The following ZZEF1 variants were observed in gnomAD, a reference collection of about 807,000 sequenced individuals.
The protein encoded by ZZEF1 is zinc finger ZZ-type and EF-hand domain-containing protein 1.
A neutral mutation model predicts 342.8 loss-of-function variants in ZZEF1; 157 were observed. That is an observed-to-expected ratio of 0.46 (90% CI 0.40 to 0.52). The LOEUF (loss-of-function observed/expected upper bound fraction) is 0.52. ZZEF1 is among the 20% of genes least tolerant of loss of function. The probability of loss-of-function intolerance (pLI) is 0.00; values close to 1 mark genes in which losing one functional copy is unlikely to be tolerated. For missense variants in ZZEF1, 3,480 were observed against 3,725.6 expected (o/e 0.93, Z 1.72); for synonymous variants, 1,505 against 1,429.1 (o/e 1.05, Z -1.20).
At chr17:4,036,290 G>GT (rs1200017417) in intron 39 of ZZEF1, among the ~76,000 whole-genome samples, 2 of 152,138 alleles carry the variant, frequency 1.3e-5, no homozygotes, top group East Asian at 1.9e-4. Context: ...TGTGTGTGGG[G>GT]TAAGTGGCAC....
At chr17:4,025,443 T>C (rs1047096104) in intron 42 of ZZEF1, among the ~76,000 whole-genome samples, 9 of 152,144 alleles carry the variant, frequency 5.9e-5, no homozygotes, top group African/African-American at 1.7e-4. Context: ...TCCCAGCACT[T>C]TGGGAGGCCA....
chr17:4,100,670 C>G (rs949795317), intron 9 of ZZEF1, among the ~76,000 whole-genome samples: 21 of 152,138 alleles, frequency 1.4e-4, no homozygotes, highest in African/African-American at 5.1e-4. Flanking sequence ...CCCGTCTCTA[C>G]TAAAAATACA....
At chr17:4,040,623 T>C (rs2056782517) in intron 39 of ZZEF1, among the ~76,000 whole-genome samples, 1 of 152,208 alleles carries the variant, frequency 6.6e-6, no homozygotes, top group Admixed American at 6.5e-5. Flanking sequence ...TAACCATGTT[T>C]CTATAAGAAA....
chr17:4,067,033 T>G (rs1410061707), intron 27 of ZZEF1, 130 bp downstream of exon 27: 1 of 706,696 alleles, frequency 1.4e-6, no homozygotes, highest in East Asian at 2.9e-5. Context: ...TATCTATTCA[T>G]GTCACTAAAC....
chr17:4,081,115 G>T (rs899477716), intron 18 of ZZEF1, among the ~76,000 whole-genome samples: 15 of 152,060 alleles, frequency 9.9e-5, no homozygotes, highest in African/African-American at 3.6e-4. Flanking sequence ...GCGTGTGCCT[G>T]TGTCCCAGCT....
intron 26 of ZZEF1, among the ~76,000 whole-genome samples, chr17:4,068,080 A>G (rs2057436640): frequency 6.6e-6 from 1 of 152,300 alleles, no homozygotes; most frequent in Admixed American, 6.5e-5. Context: ...CCTGTCTCTA[A>G]AAACAAACAA....
At chr17:4,007,029 G>A in intron 54 of ZZEF1, 59 bp from the exon 55 acceptor site, 1 of 1,458,886 alleles carries the variant, frequency 6.9e-7, no homozygotes, top group African/African-American at 1.4e-5. Context: ...TTCAGTGAGT[G>A]CTGATAAGAC....
At position 4,096,672 on chromosome 17, in the gene ZZEF1, T is replaced by C. The variant is rs2058039214; in HGVS notation, c.1701A>G (p.Arg567=). ...DGFLTETGKT[R]ASTIFSTGTE... Reference sequence around the variant, plus strand: ...TTCCGGTAGAAAAAATAGTGCTGGCTCTGGTTTTTCCAGTTTCCGTAAGAA... The same window carrying C: ...TTCCGGTAGAAAAAATAGTGCTGGCCCTGGTTTTTCCAGTTTCCGTAAGAA... Residue 567 remains arginine (R), a synonymous_variant, in exon 10 of 55, where the codon AGA becomes AGG. Transcript: ENST00000381638. The C allele has an allele frequency of 6.2e-7, 1 of 1,614,076 alleles. No homozygotes were observed. The highest frequency in any genetic ancestry group is 8.5e-7 in the Non-Finnish European group (1 of 1,180,004).
In ZZEF1 at chr17:4,009,624, C is replaced by T. The variant is rs200056540; in HGVS notation, c.8713G>A (p.Val2905Ile). 104 of 1,613,490 alleles carry T rather than the reference C, an allele frequency of 6.4e-5. No homozygotes were observed. The highest frequency in any genetic ancestry group is 7.7e-5 in the South Asian group (7 of 91,054). The change falls in exon 53 of 55, where the codon GTC becomes ATC. Residue 2905 changes from valine (V) to isoleucine (I), a missense_variant. Physicochemically the swap from Val to Ile is conservative, Grantham distance 29. This residue lies in a region of ZZEF1 where 1,269 missense variants were observed against 1,342.4 expected (regional missense o/e 0.95). Transcript: ENST00000381638. ...CTCACCTGGGCACGGTTCTCGGTGA[C>T]GAAGAAGAGCTCAGTGAGGGCACGA... is the stretch of plus-strand genomic sequence containing the variant. ...LHRALTELFFVTENRAQELGV... is the reference protein window; with the variant it reads ...LHRALTELFFITENRAQELGV...
At chr17:4,098,326 C>A (rs1006226550) in intron 9 of ZZEF1, among the ~76,000 whole-genome samples, 1 of 151,580 alleles carries the variant, frequency 6.6e-6, no homozygotes, top group East Asian at 1.9e-4. Flanking sequence ...GTGGGAGGAT[C>A]GCTTGAGCCT....
intron 46 of ZZEF1, 32 bp downstream of exon 46, chr17:4,019,637 C>T: frequency 6.3e-7 from 1 of 1,590,046 alleles, no homozygotes; most frequent in Non-Finnish European, 8.6e-7. Context: ...CTCTCCCTGG[C>T]CACACTTCAG....
At chr17:4,136,421 C>T (rs1265360818) in intron 1 of ZZEF1, among the ~76,000 whole-genome samples, 2 of 151,822 alleles carry the variant, frequency 1.3e-5, no homozygotes, top group Non-Finnish European at 2.9e-5. Flanking sequence ...GTAACACTGC[C>T]AATTACAACA....
intron 29 of ZZEF1, among the ~76,000 whole-genome samples, chr17:4,063,313 G>C (rs2057322384): frequency 6.6e-6 from 1 of 152,122 alleles, no homozygotes; most frequent in East Asian, 1.9e-4. Context: ...ATCCTGGCTG[G>C]GTGTGGTGGC....
intron 39 of ZZEF1, among the ~76,000 whole-genome samples, chr17:4,037,783 A>G (rs899566144): frequency 1.3e-5 from 2 of 152,050 alleles, no homozygotes; most frequent in Non-Finnish European, 2.9e-5. Context: ...GAGTCTTGCT[A>G]TGTTTCCCAG....
At chr17:4,062,972 C>A (rs750069663) in intron 29 of ZZEF1, 55 bp from the exon 30 acceptor site, 4 of 1,542,180 alleles carry the variant, frequency 2.6e-6, no homozygotes, top group Non-Finnish European at 3.5e-6. Flanking sequence ...CTGGGGCAGA[C>A]GGAAAATATC....
At position 4,017,180 on chromosome 17, in the gene ZZEF1, G is replaced by C; in HGVS notation, c.8001+191C>G. Reference sequence around the variant, plus strand: ...CTGGTTCAGCTGGAAATCGCGCTCAGGGCCCCTGAGTTCCTCACTAGCCCA... The same window carrying C: ...CTGGTTCAGCTGGAAATCGCGCTCACGGCCCCTGAGTTCCTCACTAGCCCA... On this transcript the variant is annotated intron_variant, in intron 48 of 54. Coordinates refer to ENST00000381638, the MANE Select transcript of ZZEF1 (RefSeq NM_015113.4). This position sits in a 1 kb window ranked among gnomAD's most constrained non-coding sequence, Gnocchi z 5.1. 1 of 735,472 alleles carries C rather than the reference G, an allele frequency of 1.4e-6. No individual in the cohort carries two copies. The highest frequency in any genetic ancestry group is 2.9e-5 in the East Asian group (1 of 34,936). The allele number at this position is 735,472 out of a possible 1,614,324, so 45.6% of individuals were successfully genotyped here. A position where few individuals can be genotyped will look rare whatever the true frequency, so the allele number is the denominator to read the frequency against.
At chr17:4,035,405 A>G (rs199668777) in intron 39 of ZZEF1, among the ~76,000 whole-genome samples, 1 of 152,202 alleles carries the variant, frequency 6.6e-6, no homozygotes, top group Non-Finnish European at 1.5e-5. Context: ...GGGGTGTCAC[A>G]GTCCAAGAAC....
At position 4,017,897 on chromosome 17, in the gene ZZEF1, A is replaced by G. The variant is rs1383172429; in HGVS notation, c.7580T>C (p.Leu2527Pro). The change falls in exon 47 of 55, where the codon CTG becomes CCG. Residue 2527 changes from leucine to proline, a missense_variant. Physicochemically the swap from Leu to Pro is moderately conservative, Grantham distance 98. Around this residue, in one of 5 missense-constraint regions of ZZEF1, gnomAD observed 1,269 missense variants for 1,342.4 expected, o/e 0.95. Coordinates refer to ENST00000381638, the MANE Select transcript of ZZEF1 (RefSeq NM_015113.4). This position sits in a 1 kb window ranked among gnomAD's most constrained non-coding sequence, Gnocchi z 5.1. ...TTTGGCGCTCTGTTCTTCCAGCCTC[A>G]GACTCTTACTGGGCTGCCACCGCTG... The part of the protein sequence containing the change: ...LAQRWQPSKS[L>P]RLEEQSAKAV... 8.1e-6 allele frequency: 13 copies of G among 1,614,112 alleles called. No individual in the cohort carries two copies. Among genetic ancestry groups the G allele is most frequent in the South Asian group, 1.1e-5 (1 of 91,076 alleles).
intron 12 of ZZEF1, 54 bp downstream of exon 12, chr17:4,090,665 C>T: frequency 2.1e-6 from 3 of 1,456,762 alleles, no homozygotes; most frequent in Non-Finnish European, 2.9e-6. Flanking sequence ...AATCACTACT[C>T]AAAAAACACA....
Sources: allele counts gnomAD v4.1 joint callset (sites outside exome capture counted in the v4.1 genomes callset), GRCh38; gene constraint gnomAD v4.1.1; regional missense constraint gnomAD v4.1.1; non-coding constraint Gnocchi (gnomAD v3.1); transcripts MANE v1.5; gene names NCBI Gene and HGNC (gene_info 2026-07-23, HGNC 2026-07-21).